Variants in ABI1 observed in about 807,000 individuals in gnomAD.
The protein encoded by ABI1 is Abelson interactor 1.
ABI1 carries 14 observed loss-of-function variants against 54.6 expected under a neutral mutation model. The ratio of observed to expected loss-of-function variants is 0.26; its 90% CI spans 0.17 to 0.40. The LOEUF (loss-of-function observed/expected upper bound fraction) is 0.40. ABI1 is among the 10% of genes least tolerant of loss of function. The pLI, the probability that ABI1 is intolerant of heterozygous loss-of-function variation, is 1.00. For synonymous variants in ABI1, 194 were observed against 209.3 expected (o/e 0.93, Z 0.63); for missense variants, 443 against 598.3 (o/e 0.74, Z 2.71).
chr10:26,748,416 T>C lies in ABI1; in HGVS notation c.*154A>G. 1.7e-6 allele frequency: 1 copy of C among 582,744 alleles called. No individual in the cohort carries two copies. Among genetic ancestry groups the C allele is most frequent in the Non-Finnish European group, 2.9e-6 (1 of 349,676 alleles). 36.1% of individuals were successfully genotyped at this position (582,744 alleles called of 1,614,324 possible). On this transcript the variant is annotated 3_prime_UTR_variant, in exon 11 of 11. Transcript: ENST00000376140. ...AGCAATACATAAACTGCCTCAAAGA[T>C]TTATGCTTACAGGTAGACATTCAAT...
At chr10:26,772,602 C>A (rs1419699435) in intron 3 of ABI1, among the ~76,000 whole-genome samples, 1 of 152,058 alleles carries the variant, frequency 6.6e-6, no homozygotes, top group East Asian at 1.9e-4. Context: ...TGAAGTTCGG[C>A]CTCCTCTATT....
chr10:26,781,057 G>T (rs548560060), intron 2 of ABI1, among the ~76,000 whole-genome samples: 1 of 152,276 alleles, frequency 6.6e-6, no homozygotes, highest in African/African-American at 2.4e-5. Context: ...GTAGGTTTGG[G>T]GCCCCACAAT....
At chr10:26,790,187 AG>A (rs1843230501) in intron 2 of ABI1, among the ~76,000 whole-genome samples, 1 of 152,196 alleles carries the variant, frequency 6.6e-6, no homozygotes, top group Admixed American at 6.5e-5. Context: ...TTCTGTCTCT[AG>A]GTCTTTGAGG....
intron 10 of ABI1, among the ~76,000 whole-genome samples, chr10:26,750,313 G>A (rs912015740): frequency 6.6e-6 from 1 of 152,142 alleles, no homozygotes; most frequent in African/African-American, 2.4e-5. Flanking sequence ...GGCCAACATG[G>A]CAAAACCCCA....
chr10:26,762,866 T>C (rs183000158), intron 7 of ABI1, among the ~76,000 whole-genome samples: 20 of 152,318 alleles, frequency 1.3e-4, no homozygotes, highest in Admixed American at 9.2e-4. Context: ...CATGTTCAAC[T>C]TGACTAGGTA....
At chr10:26,845,205 A>C (rs574455555) in intron 1 of ABI1, among the ~76,000 whole-genome samples, 75 of 152,092 alleles carry the variant, frequency 4.9e-4, no homozygotes, top group Non-Finnish European at 8.4e-4. Context: ...CTGACTGCCC[A>C]AACTAAAATC....
intron 1 of ABI1, among the ~76,000 whole-genome samples, chr10:26,834,897 C>CT (rs1337597485): frequency 6.6e-6 from 1 of 151,812 alleles, no homozygotes; most frequent in Non-Finnish European, 1.5e-5. Flanking sequence ...GAGGTCAGGA[C>CT]TTTGAGAACA....
Position 26,768,963 on chromosome 10 carries a change from G to C in ABI1, c.608C>G (p.Pro203Arg), listed in dbSNP as rs1381427469. The change falls in exon 6 of 11, where the codon CCT (proline) becomes CGT (arginine). Residue 203 changes from proline to arginine, a missense_variant. Transcript: ENST00000376140. ...GRNTPYKTLE[P>R]VKPPTVPNDY... ...ATTAGGAACTGTTGGGGGTTTAACA[G>C]GTTCCAGGGTTTTATAAGGAGTATT... The C allele has an allele frequency of 1.9e-6, 3 of 1,612,078 alleles. No individual in the cohort carries two copies. The highest frequency in any genetic ancestry group is 2.5e-6 in the Non-Finnish European group (3 of 1,178,828).
At position 26,765,309 on chromosome 10, in the gene ABI1, A is replaced by G. The variant is rs141978113; in HGVS notation, c.729T>C (p.Ser243=). 6.0e-5 allele frequency: 95 copies of G among 1,580,870 alleles called. No individual in the cohort carries two copies. In the African/African-American group the frequency reaches 1.1e-3, roughly 19 times the overall value. Residue 243 remains serine (S), a synonymous_variant, in exon 7 of 11, where the codon AGT becomes AGC. Transcript: ENST00000376140. ...NQRPRTHSGS[S]GGSGSRENSG... ...TGTTTTCTCGACTTCCACTTCCTCC[A>G]CTACTTCCACTGAAAAGAAAAAAAA... is the stretch of plus-strand genomic sequence containing the variant.
chr10:26,857,848 CAA>C (rs1168285053), intron 1 of ABI1, among the ~76,000 whole-genome samples: 6 of 100,170 alleles, frequency 6.0e-5, no homozygotes, highest in African/African-American at 8.8e-5. Context: ...AAGTCTGTCT[CAA>C]AAAAAAAAAA....
chr10:26,769,940 C>CT (rs1467939939), intron 5 of ABI1, among the ~76,000 whole-genome samples: 1 of 152,158 alleles, frequency 6.6e-6, no homozygotes, highest in Non-Finnish European at 1.5e-5. Flanking sequence ...TTGGAATACT[C>CT]TAATCATTCC....
chr10:26,838,531 T>C (rs1415515407), intron 1 of ABI1, among the ~76,000 whole-genome samples: 1 of 152,170 alleles, frequency 6.6e-6, no homozygotes, highest in Non-Finnish European at 1.5e-5. Flanking sequence ...AGAAATACTA[T>C]AGGCCCTTGA....
chr10:26,750,918 T>C (rs964432060), intron 10 of ABI1, among the ~76,000 whole-genome samples: 5 of 152,238 alleles, frequency 3.3e-5, no homozygotes, highest in African/African-American at 1.2e-4. Context: ...ATAATTTCTC[T>C]TGTGTTTTAT....
chr10:26,754,126 T>A (rs540010295), intron 9 of ABI1, among the ~76,000 whole-genome samples: 3 of 152,214 alleles, frequency 2.0e-5, no homozygotes, highest in Non-Finnish European at 2.9e-5. Context: ...AAAATAAGAT[T>A]CACATCTATC....
chr10:26,839,880 C>A, intron 1 of ABI1: 1 of 653,122 alleles, frequency 1.5e-6, no homozygotes, highest in Admixed American at 2.2e-5. Context: ...GTCCCAACAA[C>A]TTGGAAGGCT....
intron 8 of ABI1, among the ~76,000 whole-genome samples, chr10:26,756,450 G>A (rs1838319977): frequency 6.6e-6 from 1 of 152,058 alleles, no homozygotes; most frequent in Non-Finnish European, 1.5e-5. Context: ...TCTCAAAAGT[G>A]ACCTTTTCAT....
In ABI1 at chr10:26,840,910, CCAT is replaced by C. The variant is rs532721307; in HGVS notation, c.118-17608_118-17606del. ...TGGGCCACACCAATACAGTTTTGGTCCATCATCAACCACTACCATTAGATTCTA... is the reference window on the plus strand; with the variant it reads ...TGGGCCACACCAATACAGTTTTGGTCCATCAACCACTACCATTAGATTCTA... On this transcript the variant is annotated intron_variant, in intron 1 of 10. Transcript: ENST00000376140. Among the ~76,000 whole-genome samples, 130 of 152,294 alleles carry C rather than the reference CCAT, an allele frequency of 8.5e-4. 1 individual carries two copies. The highest frequency in any genetic ancestry group is 2.5e-3 in the Admixed American group (39 of 15,300).
At chr10:26,765,939 C>G (rs2132660032) in intron 6 of ABI1, among the ~76,000 whole-genome samples, 1 of 152,164 alleles carries the variant, frequency 6.6e-6, no homozygotes, top group South Asian at 2.1e-4. Context: ...TATTCAAAAC[C>G]TGCTATGAAG....
chr10:26,822,515 T>A (rs2048046050), intron 2 of ABI1, among the ~76,000 whole-genome samples: 1 of 151,924 alleles, frequency 6.6e-6, no homozygotes, highest in Admixed American at 6.6e-5. Flanking sequence ...TAGAAACTAC[T>A]CAGCAATAAA....
Sources: gnomAD v4.1 joint callset for allele counts (sites outside exome capture counted in the v4.1 genomes callset) on GRCh38, gnomAD v4.1.1 for gene constraint, MANE v1.5 for transcripts, NCBI Gene and HGNC (gene_info 2026-07-23, HGNC 2026-07-21) for gene names.